The following NOVA1 variants were observed in gnomAD, a reference collection of about 807,000 sequenced individuals.
The protein encoded by NOVA1 is NOVA alternative splicing regulator 1, also known as RNA-binding protein Nova-1.
NOVA1 carries 7 observed loss-of-function variants against 38.0 expected under a neutral mutation model. The observed-to-expected ratio is 0.18, with a 90% CI of 0.10 to 0.35. The LOEUF (loss-of-function observed/expected upper bound fraction) is 0.35, where lower values mean the gene tolerates loss of function less well. Among genes scored for constraint, NOVA1 ranks in the 10% least tolerant of loss-of-function variants. NOVA1 has a pLI of 1.00. For synonymous variants in NOVA1, 270 were observed against 232.5 expected (o/e 1.16, Z -1.47); for missense variants, 460 against 616.0 (o/e 0.75, Z 2.68).
intron 2 of NOVA1, among the ~76,000 whole-genome samples, chr14:26,533,166 T>C (rs1889840519): frequency 1.3e-5 from 2 of 152,228 alleles, no homozygotes; most frequent in African/African-American, 2.4e-5. Flanking sequence ...GACAGGAAGT[T>C]AGAAGTCGTC....
In NOVA1 at chr14:26,448,433, G is replaced by A; in HGVS notation, c.1050C>T (p.Ala350=). ...CTGCTGCTGCTGCTGGGTTGGCACTGGCAGCTGCTGCAGCCAAAGCCCCTG... is the reference window on the plus strand; with the variant it reads ...CTGCTGCTGCTGCTGGGTTGGCACTAGCAGCTGCTGCAGCCAAAGCCCCTG... ...AATGALAAAA[A]SANPAAAAAN... The change falls in exon 5 of 5, where the codon GCC becomes GCT. Residue 350 remains alanine, a synonymous_variant. Coordinates refer to ENST00000539517, the MANE Select transcript of NOVA1 (RefSeq NM_002515.3). This position sits in a 1 kb window ranked among gnomAD's most constrained non-coding sequence, Gnocchi z 5.3. The A allele has an allele frequency of 6.2e-7, 1 of 1,611,600 alleles. No individual in the cohort carries two copies. Among genetic ancestry groups the A allele is most frequent in the African/African-American group, 1.3e-5 (1 of 75,036 alleles).
intron 2 of NOVA1, among the ~76,000 whole-genome samples, chr14:26,536,275 G>A (rs944576548): frequency 6.6e-6 from 1 of 151,410 alleles, no homozygotes; most frequent in Non-Finnish European, 1.5e-5. Context: ...AAAATAGAAC[G>A]AATAAGACCT....
intron 2 of NOVA1, among the ~76,000 whole-genome samples, chr14:26,551,410 CTTTG>C (rs1156265210): frequency 1.3e-5 from 2 of 151,978 alleles, no homozygotes; most frequent in African/African-American, 4.8e-5. Context: ...GGGATTCCAC[CTTTG>C]TTTACTGCTA....
intron 3 of NOVA1, among the ~76,000 whole-genome samples, chr14:26,472,906 T>C (rs184285227): frequency 1.3e-3 from 194 of 152,182 alleles, no homozygotes; most frequent in African/African-American, 4.4e-3. Flanking sequence ...TAGGGATCCA[T>C]ACTTAAAAGC....
intron 2 of NOVA1, among the ~76,000 whole-genome samples, chr14:26,536,701 TA>T (rs1890122529): frequency 6.6e-6 from 1 of 152,102 alleles, no homozygotes; most frequent in Admixed American, 6.6e-5. Context: ...TAAGAAAAGT[TA>T]TTTTAAGCAA....
At chr14:26,588,856 C>T (rs946425460) in intron 2 of NOVA1, among the ~76,000 whole-genome samples, 5 of 150,184 alleles carry the variant, frequency 3.3e-5, no homozygotes, top group Non-Finnish European at 7.4e-5. Context: ...CTTTTAACAG[C>T]TATAATTACC....
chr14:26,478,958 T>C (rs1056374251), intron 3 of NOVA1: 1 of 151,914 alleles, frequency 6.6e-6, no homozygotes, highest in African/African-American at 2.4e-5. Context: ...ATTTCATTAT[T>C]CAACATTATA....
rs1428552982 is a variant in NOVA1, at chr14:26,485,549, G to C, written c.281-5406C>G. Among the ~76,000 whole-genome samples the C allele has an allele frequency of 2.0e-5, 3 of 151,964 alleles. No individual in the cohort carries two copies. In the East Asian group the frequency reaches 5.8e-4, roughly 29 times the overall value. On this transcript the variant is annotated intron_variant, in intron 2 of 4. Coordinates refer to ENST00000539517, the MANE Select transcript of NOVA1 (RefSeq NM_002515.3). ...AACTCTACCTAAAATAATATTGTTAGGGAGAAAAATATTTTTTGTTGTGGT... is the reference window on the plus strand; with the variant it reads ...AACTCTACCTAAAATAATATTGTTACGGAGAAAAATATTTTTTGTTGTGGT...
chr14:26,576,298 T>G (rs1286902590), intron 2 of NOVA1, among the ~76,000 whole-genome samples: 1 of 151,748 alleles, frequency 6.6e-6, no homozygotes, highest in Non-Finnish European at 1.5e-5. Flanking sequence ...CCTTTTTTAT[T>G]ACTGTATATA....
At chr14:26,539,261 A>AATAAGAATAACAGATT (rs1252556808) in intron 2 of NOVA1, among the ~76,000 whole-genome samples, 1 of 152,166 alleles carries the variant, frequency 6.6e-6, no homozygotes, top group East Asian at 1.9e-4. Flanking sequence ...ATGAATGATG[A>AATAAGAATAACAGATT]ATAAGAATAA....
At position 26,597,884 on chromosome 14, in the gene NOVA1, G is replaced by C; in HGVS notation, c.-448C>G. On this transcript the variant is annotated 5_prime_UTR_variant, in exon 1 of 5. Transcript: ENST00000539517. ...AGTGAGGGAAAGAGTGAATGAGCAG[G>C]AGGAGGGGAAGGAGGTGGATGCCGA... 6.4e-6 allele frequency: 1 copy of C among 156,810 alleles called. No individual in the cohort carries two copies. The highest frequency in any genetic ancestry group is 1.9e-4 in the South Asian group (1 of 5,146). The allele number at this position is 156,810 out of a possible 1,614,324, so 9.7% of individuals were successfully genotyped here.
chr14:26,494,722 TTCTC>T (rs373184474), intron 2 of NOVA1, among the ~76,000 whole-genome samples: 1 of 151,722 alleles, frequency 6.6e-6, no homozygotes, highest in Non-Finnish European at 1.5e-5. Flanking sequence ...TCTGACTTCA[TTCTC>T]TCTCTCTCTT....
chr14:26,549,281 C>T (rs994658326), intron 2 of NOVA1: 1 of 148,530 alleles, frequency 6.7e-6, no homozygotes, highest in African/African-American at 2.5e-5. Flanking sequence ...AAAACCAAGA[C>T]ATAAAACACT....
intron 2 of NOVA1, among the ~76,000 whole-genome samples, chr14:26,547,750 A>T (rs1223222131): frequency 6.6e-6 from 1 of 152,146 alleles, no homozygotes; most frequent in East Asian, 1.9e-4. Flanking sequence ...AGAATCAATT[A>T]TAGCAATTCG....
At chr14:26,498,293 C>T (rs1404013683) in intron 2 of NOVA1, among the ~76,000 whole-genome samples, 2 of 151,646 alleles carry the variant, frequency 1.3e-5, no homozygotes, top group Non-Finnish European at 2.9e-5. Flanking sequence ...GTCTCGATCT[C>T]CTAACCTCGT....
intron 2 of NOVA1, among the ~76,000 whole-genome samples, chr14:26,528,946 A>G (rs1439527118): frequency 1.7e-4 from 26 of 152,068 alleles, no homozygotes; most frequent in Admixed American, 1.4e-3. Flanking sequence ...CTGAAGTGAG[A>G]TATGTGTGAT....
chr14:26,496,455 C>G (rs1886794182), intron 2 of NOVA1, among the ~76,000 whole-genome samples: 1 of 152,050 alleles, frequency 6.6e-6, no homozygotes, highest in African/African-American at 2.4e-5. Flanking sequence ...CCTGTTCACT[C>G]TGATGGTAGT....
intron 2 of NOVA1, among the ~76,000 whole-genome samples, chr14:26,483,276 T>C (rs1416098051): frequency 6.6e-6 from 1 of 152,244 alleles, no homozygotes; most frequent in African/African-American, 2.4e-5. Context: ...AGGTGATCCA[T>C]CACTTATGCA....
chr14:26,521,781 G>A (rs1888917481), intron 2 of NOVA1, among the ~76,000 whole-genome samples: 1 of 151,952 alleles, frequency 6.6e-6, no homozygotes, highest in African/African-American at 2.4e-5. Context: ...TTTATGTTTT[G>A]CAGGCCAAGA....
Sources: allele counts gnomAD v4.1 joint callset (sites outside exome capture counted in the v4.1 genomes callset), GRCh38; gene constraint gnomAD v4.1.1; non-coding constraint Gnocchi (gnomAD v3.1); transcripts MANE v1.5; gene names NCBI Gene and HGNC (gene_info 2026-07-23, HGNC 2026-07-21).